The following BNC2 variants were observed in gnomAD, a reference collection of about 807,000 sequenced individuals.
BNC2 encodes the protein zinc finger protein basonuclin-2.
Under a neutral mutation model 76.3 loss-of-function variants are expected in BNC2, and 20 were observed. That is an observed-to-expected ratio of 0.26 (90% CI 0.18 to 0.38). The LOEUF (loss-of-function observed/expected upper bound fraction) is 0.38, where lower values mean the gene tolerates loss of function less well. Among genes scored for constraint, BNC2 ranks in the 10% least tolerant of loss-of-function variants. The pLI is 1.00. For synonymous variants in BNC2, 582 were observed against 514.8 expected, an observed-to-expected ratio of 1.13 and a Z score of -1.77; for missense variants, 1,382 against 1,399.8, an observed-to-expected ratio of 0.99 and a Z score of 0.20.
At chr9:16,529,941 C>G (rs1459310003) in intron 5 of BNC2, among the ~76,000 whole-genome samples, 2 of 152,124 alleles carry the variant, frequency 1.3e-5, no homozygotes, top group African/African-American at 4.8e-5. Context: ...CTCTGCCTCC[C>G]AGGCTCAACC....
intron 5 of BNC2, among the ~76,000 whole-genome samples, chr9:16,473,798 A>G (rs956437545): frequency 7.9e-5 from 12 of 152,192 alleles, no homozygotes; most frequent in African/African-American, 2.9e-4. Flanking sequence ...ACTCGAACCC[A>G]GGAGGCGGAG....
At chr9:16,526,989 T>C (rs1817825106) in intron 5 of BNC2, among the ~76,000 whole-genome samples, 1 of 152,186 alleles carries the variant, frequency 6.6e-6, no homozygotes, top group African/African-American at 2.4e-5. Context: ...CCTGAAAAAG[T>C]GATGGCTAGG....
At chr9:16,695,535 CT>C (rs35589107) in intron 3 of BNC2, among the ~76,000 whole-genome samples, 15,089 of 126,814 alleles carry the variant, frequency 0.12, 1,101 homozygotes, top group East Asian at 0.34. Context: ...CTTTTTCTTT[CT>C]TTTTTTTTTT....
At chr9:16,423,063 G>A (rs1407697373) in intron 6 of BNC2, among the ~76,000 whole-genome samples, 1 of 152,198 alleles carries the variant, frequency 6.6e-6, no homozygotes, top group Admixed American at 6.5e-5. Context: ...AGAGAGTGCT[G>A]GAAACAGGAG....
At chr9:16,500,987 C>G (rs547429402) in intron 5 of BNC2, among the ~76,000 whole-genome samples, 2 of 152,244 alleles carry the variant, frequency 1.3e-5, no homozygotes, top group South Asian at 4.2e-4. Context: ...ACAGCATGGA[C>G]TCCAGAGCTA....
In BNC2 at chr9:16,582,984, A is replaced by G. The variant is rs758613522; in HGVS notation, c.432T>C (p.His144=). The change falls in exon 4 of 7, where the codon CAT becomes CAC. Residue 144 remains histidine, a splice_region_variant and synonymous_variant. Transcript: ENST00000380672. ...AAGAAAAGCCCAGATTTTCCTCACC[A>G]TGTGCCACCCAGCCATGTTTACACT... The part of the protein sequence containing the change: ...CDQCKHGWVA[H]ALDKLSTQHL... 5.0e-6 allele frequency: 8 copies of G among 1,612,430 alleles called. No homozygotes were observed. The East Asian group carries it at 1.3e-4, about 27-fold the overall frequency.
intron 5 of BNC2, among the ~76,000 whole-genome samples, chr9:16,549,818 G>A (rs1183921079): frequency 6.6e-6 from 1 of 151,828 alleles, no homozygotes; most frequent in African/African-American, 2.4e-5. Flanking sequence ...AATGCTGAAT[G>A]ACAAAAACCA....
intron 1 of BNC2, among the ~76,000 whole-genome samples, chr9:16,795,828 T>C (rs1817631747): frequency 6.6e-6 from 1 of 152,218 alleles, no homozygotes; most frequent in Admixed American, 6.5e-5. Context: ...TCCAAGTTGC[T>C]TTAATCCCTG....
At chr9:16,766,087 C>G (rs1048962115) in intron 1 of BNC2, among the ~76,000 whole-genome samples, 2 of 152,160 alleles carry the variant, frequency 1.3e-5, no homozygotes, top group African/African-American at 4.8e-5. Context: ...GCGCCCGGCA[C>G]TCATAATTTC....
chr9:16,781,332 T>TTTA (rs901445205), intron 1 of BNC2, among the ~76,000 whole-genome samples: 5 of 151,776 alleles, frequency 3.3e-5, no homozygotes, highest in African/African-American at 7.3e-5. Flanking sequence ...AGGCTATAAC[T>TTTA]TTATTATTAT....
chr9:16,581,701 T>C (rs1239389978), intron 4 of BNC2, among the ~76,000 whole-genome samples: 1 of 152,104 alleles, frequency 6.6e-6, no homozygotes, highest in African/African-American at 2.4e-5. Flanking sequence ...AGCAAACTAA[T>C]ATATGAAGAG....
intron 3 of BNC2, among the ~76,000 whole-genome samples, chr9:16,600,933 G>A (rs373149581): frequency 2.0e-5 from 3 of 152,086 alleles, no homozygotes; most frequent in African/African-American, 4.8e-5. Flanking sequence ...TGCTAATAAC[G>A]CCTTCAATGT....
At chr9:16,608,413 A>G (rs984115097) in intron 3 of BNC2, among the ~76,000 whole-genome samples, 2 of 151,984 alleles carry the variant, frequency 1.3e-5, no homozygotes, top group African/African-American at 2.4e-5. Context: ...TTTCTTGTCT[A>G]TTAAACTCCC....
At chr9:16,748,084 G>A (rs1403930469) in intron 1 of BNC2, among the ~76,000 whole-genome samples, 2 of 152,120 alleles carry the variant, frequency 1.3e-5, no homozygotes, top group Non-Finnish European at 2.9e-5. Flanking sequence ...GCAAGATGCA[G>A]AACAGTAAAT....
At chr9:16,588,395 T>C (rs1364628391) in intron 3 of BNC2, among the ~76,000 whole-genome samples, 1 of 152,194 alleles carries the variant, frequency 6.6e-6, no homozygotes, top group Non-Finnish European at 1.5e-5. Context: ...ATATTATTCA[T>C]ACTATAGTCC....
At chr9:16,816,291 C>A (rs577929834) in intron 1 of BNC2, among the ~76,000 whole-genome samples, 1 of 152,272 alleles carries the variant, frequency 6.6e-6, no homozygotes, top group East Asian at 1.9e-4. Flanking sequence ...TTCTGATGAA[C>A]CCTCTTTCCT....
chr9:16,469,859 A>C (rs1416227780), intron 5 of BNC2, among the ~76,000 whole-genome samples: 2 of 152,194 alleles, frequency 1.3e-5, no homozygotes, highest in Non-Finnish European at 2.9e-5. Context: ...TTTAGCAAAG[A>C]GACTGGCAGC....
At chr9:16,621,108 C>A (rs1820855387) in intron 3 of BNC2, among the ~76,000 whole-genome samples, 1 of 152,172 alleles carries the variant, frequency 6.6e-6, no homozygotes, top group Non-Finnish European at 1.5e-5. Context: ...TTCAACAACG[C>A]CTGTGACTGA....
chr9:16,841,329 C>A (rs1387676752), intron 1 of BNC2, among the ~76,000 whole-genome samples: 1 of 152,122 alleles, frequency 6.6e-6, no homozygotes, highest in Non-Finnish European at 1.5e-5. Context: ...GTCAAACTTC[C>A]CACAGCATAG....
Sources: allele counts gnomAD v4.1 joint callset (sites outside exome capture counted in the v4.1 genomes callset), GRCh38; gene constraint gnomAD v4.1.1; transcripts MANE v1.5; gene names NCBI Gene and HGNC (gene_info 2026-07-23, HGNC 2026-07-21).